The following DRC8 variants were observed in gnomAD, a reference collection of about 807,000 sequenced individuals.
The protein encoded by DRC8 is dynein regulatory complex protein 8.
chr1:245,108,116 G>A, the DRC8 span, among the ~76,000 whole-genome samples: 96,032 of 151,786 alleles, frequency 0.63, 31,948 homozygotes, highest in South Asian at 0.73. Flanking sequence ...TCCTTTAGAC[G>A]TCTCTCCCCG....
the DRC8 span, chr1:245,122,056 G>T: frequency 2.0e-5 from 6 of 293,558 alleles, no homozygotes; most frequent in Non-Finnish European, 3.9e-5. Context: ...ACACCACCAC[G>T]CCTGGCTAAT....
chr1:244,977,165 G>A, the DRC8 span, among the ~76,000 whole-genome samples: 2 of 152,320 alleles, frequency 1.3e-5, no homozygotes, highest in East Asian at 1.9e-4. Flanking sequence ...TTTAAGGAGT[G>A]TAGAGTTCCA....
At chr1:245,059,607 A>G in the DRC8 span, 3 of 594,450 alleles carry the variant, frequency 5.0e-6, no homozygotes, top group South Asian at 7.6e-5. Context: ...TATTCATATT[A>G]GCCAACCAAC....
the DRC8 span, among the ~76,000 whole-genome samples, chr1:245,029,914 G>A: frequency 6.6e-6 from 1 of 152,182 alleles, no homozygotes; most frequent in Admixed American, 6.5e-5. Context: ...TTATTGGACT[G>A]TCTTGATCAA....
the DRC8 span, among the ~76,000 whole-genome samples, chr1:245,010,946 G>T: frequency 6.6e-6 from 1 of 152,064 alleles, no homozygotes; most frequent in African/African-American, 2.4e-5. Flanking sequence ...CTCCCAAAGT[G>T]CTGGGATTAC....
chr1:245,079,411 A>T, the DRC8 span, among the ~76,000 whole-genome samples: 1 of 152,080 alleles, frequency 6.6e-6, no homozygotes, highest in African/African-American at 2.4e-5. Flanking sequence ...GTTTTAACTT[A>T]TTTTCGTATA....
the DRC8 span, among the ~76,000 whole-genome samples, chr1:245,093,311 C>A: frequency 6.6e-6 from 1 of 152,110 alleles, no homozygotes; most frequent in East Asian, 1.9e-4. Flanking sequence ...AATGTGCTAT[C>A]AGTCATGGTA....
At chr1:244,973,305 G>A in the DRC8 span, among the ~76,000 whole-genome samples, 4 of 152,100 alleles carry the variant, frequency 2.6e-5, no homozygotes, top group Non-Finnish European at 5.9e-5. Context: ...TTTGATGACC[G>A]TGGAATCACA....
At chr1:245,053,407 G>A in the DRC8 span, among the ~76,000 whole-genome samples, 1 of 152,200 alleles carries the variant, frequency 6.6e-6, no homozygotes, top group Non-Finnish European at 1.5e-5. Flanking sequence ...CGTGTCGTCT[G>A]CACCAGGCTC....
the DRC8 span, among the ~76,000 whole-genome samples, chr1:244,984,889 C>T: frequency 2.7e-5 from 4 of 150,748 alleles, no homozygotes; most frequent in African/African-American, 7.3e-5. Context: ...CTGACACATA[C>T]GTGTTTATCT....
chr1:245,006,756 A>G, the DRC8 span, among the ~76,000 whole-genome samples: 12 of 152,140 alleles, frequency 7.9e-5, no homozygotes, highest in African/African-American at 2.9e-4. Context: ...CAGCATGGCA[A>G]AAACCTGTCT....
chr1:245,021,027 G>C, the DRC8 span, among the ~76,000 whole-genome samples: 1 of 152,052 alleles, frequency 6.6e-6, no homozygotes, highest in African/African-American at 2.4e-5. Context: ...TGTGAAGCCA[G>C]GTGTTACATA....
the DRC8 span, among the ~76,000 whole-genome samples, chr1:245,043,608 G>A: frequency 6.6e-6 from 1 of 151,852 alleles, no homozygotes; most frequent in East Asian, 1.9e-4. Flanking sequence ...TTTTTCAAAG[G>A]GACAACATTT....
At chr1:245,050,500 A>G in the DRC8 span, among the ~76,000 whole-genome samples, 1 of 152,014 alleles carries the variant, frequency 6.6e-6, no homozygotes, top group African/African-American at 2.4e-5. Context: ...TATTAACTCT[A>G]CGTGATCCCT....
chr1:244,985,076 GTTTTTTTTT>G, the DRC8 span, among the ~76,000 whole-genome samples: 1 of 130,824 alleles, frequency 7.6e-6, no homozygotes, highest in South Asian at 2.3e-4. Context: ...TGTCTCCAGG[GTTTTTTTTT>G]TTTTTTTTTT....
chr1:245,056,567 GT>G, the DRC8 span, among the ~76,000 whole-genome samples: 2 of 152,336 alleles, frequency 1.3e-5, no homozygotes, highest in Non-Finnish European at 2.9e-5. Flanking sequence ...TCCAGAAGGA[GT>G]TTGCATAGTC....
At chr1:244,990,199 C>T in the DRC8 span, among the ~76,000 whole-genome samples, 1 of 152,204 alleles carries the variant, frequency 6.6e-6, no homozygotes, top group Non-Finnish European at 1.5e-5. Context: ...ATCACGTGGG[C>T]ATTTTATCGT....
chr1:245,081,666 A>G, the DRC8 span, among the ~76,000 whole-genome samples: 2 of 151,680 alleles, frequency 1.3e-5, no homozygotes, highest in East Asian at 1.9e-4. Flanking sequence ...ACGGGGTTTC[A>G]CCATGTTGGC....
At chr1:245,063,093 C>T in the DRC8 span, among the ~76,000 whole-genome samples, 4 of 152,302 alleles carry the variant, frequency 2.6e-5, no homozygotes, top group African/African-American at 9.6e-5. Flanking sequence ...TCCCATGGAA[C>T]AGAATCCTCC....
Sources: allele counts gnomAD v4.1 joint callset (sites outside exome capture counted in the v4.1 genomes callset), GRCh38; gene constraint gnomAD v4.1.1; transcripts MANE v1.5; gene names NCBI Gene and HGNC (gene_info 2026-07-23, HGNC 2026-07-21).